The following RFC3 variants were observed in gnomAD, a reference collection of about 807,000 sequenced individuals.
RFC3 encodes the protein replication factor C subunit 3.
Under a neutral mutation model 45.1 loss-of-function variants are expected in RFC3, and 41 were observed. The observed-to-expected ratio is 0.91, with a 90% CI of 0.71 to 1.18. The LOEUF (loss-of-function observed/expected upper bound fraction) is 1.18, where lower values mean the gene tolerates loss of function less well. Ranked by LOEUF, RFC3 falls within the 50% of genes most tolerant of loss-of-function variation. The pLI is 0.00. For missense variants in RFC3, 423 were observed against 428.1 expected (o/e 0.99, Z 0.10); for synonymous variants, 149 against 144.0 (o/e 1.03, Z -0.25).
intron 8 of RFC3, among the ~76,000 whole-genome samples, chr13:33,861,460 T>G (rs561150527): frequency 1.3e-5 from 2 of 152,126 alleles, no homozygotes; most frequent in African/African-American, 4.8e-5. Context: ...AAACTCTGTC[T>G]CTACTAAAAA....
exon 9 of RFC3, chr13:33,966,189 G>T: frequency 7.8e-7 from 1 of 1,281,016 alleles, no homozygotes; most frequent in Non-Finnish European, 1.1e-6. Flanking sequence ...GTGAAGTTTT[G>T]CAAATATAAT....
At chr13:33,918,007 A>AT (rs1433132241) in intron 8 of RFC3, among the ~76,000 whole-genome samples, 3 of 152,128 alleles carry the variant, frequency 2.0e-5, no homozygotes, top group Non-Finnish European at 4.4e-5. Context: ...TATGTAACAT[A>AT]TGCCATTGCT....
intron 8 of RFC3, among the ~76,000 whole-genome samples, chr13:33,891,789 T>C (rs2082564995): frequency 6.6e-6 from 1 of 152,186 alleles, no homozygotes; most frequent in South Asian, 2.1e-4. Flanking sequence ...ATAACACATA[T>C]AATCACATAA....
chr13:33,827,898 A>G (rs561823472), intron 4 of RFC3, among the ~76,000 whole-genome samples: 7 of 152,248 alleles, frequency 4.6e-5, no homozygotes, highest in African/African-American at 1.7e-4. Context: ...GGGGCTCTAC[A>G]GCTACCTCTT....
At chr13:33,922,295 C>T (rs1187329555) in intron 8 of RFC3, among the ~76,000 whole-genome samples, 1 of 151,830 alleles carries the variant, frequency 6.6e-6, no homozygotes, top group African/African-American at 2.4e-5. Flanking sequence ...GTGTGATCAA[C>T]ACCACAATCT....
At chr13:33,920,759 A>G (rs755277419) in intron 8 of RFC3, among the ~76,000 whole-genome samples, 27 of 152,036 alleles carry the variant, frequency 1.8e-4, no homozygotes, top group Non-Finnish European at 2.6e-4. Context: ...TAATGCAGTA[A>G]TAGAGCTACT....
chr13:33,955,404 TA>T (rs1207216006), intron 8 of RFC3, among the ~76,000 whole-genome samples: 1 of 152,020 alleles, frequency 6.6e-6, no homozygotes, highest in Non-Finnish European at 1.5e-5. Context: ...TGAAAACAGC[TA>T]AAAAAAATTT....
At chr13:33,838,106 G>T (rs1287919126), downstream of RFC3, among the ~76,000 whole-genome samples, 1 of 152,010 alleles carries the variant, frequency 6.6e-6, no homozygotes, top group Non-Finnish European at 1.5e-5. Flanking sequence ...GTCTAATTCA[G>T]TTCTTTTGGA....
chr13:33,947,230 T>C (rs2082959960), intron 8 of RFC3, among the ~76,000 whole-genome samples: 1 of 152,182 alleles, frequency 6.6e-6, no homozygotes, highest in Non-Finnish European at 1.5e-5. Context: ...TGATTTCCCC[T>C]ATGCTGTTCT....
chr13:33,947,424 C>T (rs1295247633), intron 8 of RFC3, among the ~76,000 whole-genome samples: 2 of 152,128 alleles, frequency 1.3e-5, no homozygotes, highest in African/African-American at 2.4e-5. Context: ...TTATAAATTA[C>T]CCAGTCTCTA....
At chr13:33,835,694 G>T (rs1238021481) in intron 8 of RFC3, among the ~76,000 whole-genome samples, 3 of 152,120 alleles carry the variant, frequency 2.0e-5, no homozygotes, top group Non-Finnish European at 4.4e-5. Flanking sequence ...ATGACCATAT[G>T]TATAGATTTA....
In RFC3 at chr13:33,818,270, G is replaced by C; in HGVS notation, c.87+5G>C. On this transcript the variant is annotated splice_donor_5th_base_variant and intron_variant, in intron 1 of 8. Coordinates refer to ENST00000380071, the MANE Select transcript of RFC3 (RefSeq NM_002915.4). ...GCGGCCCAGCTGCGGAACCTGGTGA[G>C]TCTGCGGGGGCCGGGAGCGTGGGAG... is the stretch of plus-strand genomic sequence containing the variant. The C allele has an allele frequency of 1.2e-6, 2 of 1,613,054 alleles. No individual in the cohort carries two copies. The highest frequency in any genetic ancestry group is 2.2e-5 in the East Asian group (1 of 44,876).
At chr13:33,882,274 A>G (rs923792489) in intron 8 of RFC3, among the ~76,000 whole-genome samples, 5 of 152,224 alleles carry the variant, frequency 3.3e-5, no homozygotes, top group African/African-American at 1.2e-4. Context: ...TTTATGTGCA[A>G]ACATGTTTGG....
intron 8 of RFC3, chr13:33,846,203 T>A (rs1175530818): frequency 6.6e-6 from 1 of 152,266 alleles, no homozygotes; most frequent in Non-Finnish European, 1.5e-5. Context: ...CCACTGGGAC[T>A]GTGCTATGTC....
chr13:33,888,504 C>A (rs1045467305), intron 8 of RFC3, among the ~76,000 whole-genome samples: 4 of 152,150 alleles, frequency 2.6e-5, no homozygotes, highest in African/African-American at 9.7e-5. Flanking sequence ...AGCCGAGTAG[C>A]CACAATGCTG....
At chr13:33,902,943 G>A (rs757126219) in intron 8 of RFC3, among the ~76,000 whole-genome samples, 18 of 151,736 alleles carry the variant, frequency 1.2e-4, no homozygotes, top group Non-Finnish European at 2.2e-4. Context: ...AAAAGATCCC[G>A]TAATGTTTTA....
chr13:33,820,884 G>A (rs2139374552), intron 1 of RFC3, among the ~76,000 whole-genome samples: 1 of 147,246 alleles, frequency 6.8e-6, no homozygotes, highest in East Asian at 2.0e-4. Flanking sequence ...AGTGTCAGGC[G>A]AATAGTAAAC....
chr13:33,838,784 T>C (rs889137866), downstream of RFC3, among the ~76,000 whole-genome samples: 1 of 152,284 alleles, frequency 6.6e-6, no homozygotes, highest in Non-Finnish European at 1.5e-5. Context: ...ACTTTTCCCT[T>C]TTTTCCCTGT....
intron 8 of RFC3, among the ~76,000 whole-genome samples, chr13:33,935,459 A>T (rs2082880240): frequency 6.6e-6 from 1 of 152,158 alleles, no homozygotes; most frequent in African/African-American, 2.4e-5. Context: ...TTCATGTCTG[A>T]CTTGTGAGTA....
Sources: gnomAD v4.1 joint callset for allele counts (sites outside exome capture counted in the v4.1 genomes callset) on GRCh38, gnomAD v4.1.1 for gene constraint, MANE v1.5 for transcripts, NCBI Gene and HGNC (gene_info 2026-07-23, HGNC 2026-07-21) for gene names.